The following COL19A1 variants were observed in gnomAD, a reference collection of about 807,000 sequenced individuals.
The protein encoded by COL19A1 is collagen alpha-1(XIX) chain.
A neutral mutation model predicts 190.2 loss-of-function variants in COL19A1; 159 were observed. That is an observed-to-expected ratio of 0.84 (90% CI 0.73 to 0.95). The LOEUF is 0.95. Ranked by LOEUF, COL19A1 falls within the 40% of genes least tolerant of loss-of-function variation. The pLI is 0.00. For synonymous variants in COL19A1, 509 were observed against 458.9 expected (o/e 1.11, Z -1.39); for missense variants, 1,418 against 1,431.9 (o/e 0.99, Z 0.16).
intron 19 of COL19A1, 44 bp downstream of exon 19, chr6:70,137,791 A>T (rs180920498): frequency 1.3e-6 from 2 of 1,593,596 alleles, no homozygotes; most frequent in Non-Finnish European, 1.7e-6. Context: ...TATCTAAAAA[A>T]CGGGATTAAA....
chr6:70,089,416 C>T (rs1562161436), intron 15 of COL19A1, among the ~76,000 whole-genome samples: 1 of 152,102 alleles, frequency 6.6e-6, no homozygotes, highest in Admixed American at 6.6e-5. Context: ...CAAACTATGG[C>T]ATTATTTCCC....
intron 11 of COL19A1, among the ~76,000 whole-genome samples, chr6:70,003,058 G>A (rs953615964): frequency 5.9e-5 from 9 of 152,060 alleles, no homozygotes; most frequent in East Asian, 1.9e-4. Flanking sequence ...TATTTTAGCC[G>A]TGTCCCATAG....
chr6:70,199,709 G>A lies in COL19A1; in HGVS notation c.3196G>A (p.Gly1066Arg), dbSNP rs1156867234. 1 of 1,611,126 alleles carries A rather than the reference G, an allele frequency of 6.2e-7. No homozygotes were observed. The change falls in exon 49 of 51, where the codon GGG becomes AGG. Residue 1066 changes from glycine (G) to arginine (R), a missense_variant. Gly to Arg is a moderately radical substitution (Grantham distance 125). Coordinates refer to ENST00000620364, the MANE Select transcript of COL19A1 (RefSeq NM_001858.6). ...PGPPGKDGLP[G>R]PPGDPGPQGY... ...GCCACCAGGGAAGGATGGGTTGCCT[G>A]GGCCACCAGGAGACCCTGGACCCCA...
At chr6:70,075,210 G>A (rs1781812826) in intron 15 of COL19A1, among the ~76,000 whole-genome samples, 1 of 152,110 alleles carries the variant, frequency 6.6e-6, no homozygotes, top group African/African-American at 2.4e-5. Context: ...CAGGGAAATT[G>A]GGTACCCTAT....
chr6:70,152,807 C>T (rs912721721), intron 31 of COL19A1, among the ~76,000 whole-genome samples: 11 of 152,138 alleles, frequency 7.2e-5, no homozygotes, highest in Middle Eastern at 3.4e-3. Context: ...GCAGGATTGC[C>T]GGAGTTATAT....
chr6:69,881,947 C>A (rs923714562), intron 2 of COL19A1, among the ~76,000 whole-genome samples: 1 of 152,188 alleles, frequency 6.6e-6, no homozygotes, highest in Non-Finnish European at 1.5e-5. Flanking sequence ...TGGTTCACAG[C>A]GCAAGGTTCC....
chr6:69,972,660 T>A (rs1294335054), intron 11 of COL19A1, among the ~76,000 whole-genome samples: 1 of 123,426 alleles, frequency 8.1e-6, no homozygotes, highest in Non-Finnish European at 1.7e-5. Flanking sequence ...CCCTTAGAAT[T>A]GTGTTTAAAA....
At chr6:69,968,994 G>A (rs1288776307) in intron 11 of COL19A1, among the ~76,000 whole-genome samples, 1 of 152,138 alleles carries the variant, frequency 6.6e-6, no homozygotes, top group Non-Finnish European at 1.5e-5. Context: ...TTCCAGTCCA[G>A]CTCTGTAATG....
intron 15 of COL19A1, among the ~76,000 whole-genome samples, chr6:70,101,676 G>A (rs1179528880): frequency 2.0e-5 from 3 of 151,966 alleles, no homozygotes; most frequent in African/African-American, 7.3e-5. Flanking sequence ...GCAGATTCGT[G>A]GCTCCGACCC....
intron 16 of COL19A1, among the ~76,000 whole-genome samples, chr6:70,118,278 G>A (rs1784693931): frequency 6.6e-6 from 1 of 152,168 alleles, no homozygotes; most frequent in Admixed American, 6.5e-5. Context: ...AAACCCCAAG[G>A]TTGTGTTCCA....
At chr6:70,098,311 T>C in intron 15 of COL19A1, 1 of 421,640 alleles carries the variant, frequency 2.4e-6, no homozygotes, top group Non-Finnish European at 4.7e-6. Flanking sequence ...AGGAGTAAAA[T>C]TCACCCTACC....
chr6:70,055,890 C>G (rs143242182), intron 14 of COL19A1, among the ~76,000 whole-genome samples: 1 of 148,828 alleles, frequency 6.7e-6, no homozygotes, highest in Non-Finnish European at 1.5e-5. Flanking sequence ...TCGTTTGTTT[C>G]GGTTTGTTTT....
intron 2 of COL19A1, chr6:69,891,113 A>G (rs1769315748): frequency 4.3e-6 from 1 of 230,896 alleles, no homozygotes; most frequent in Non-Finnish European, 9.4e-6. Context: ...ACATATCAAC[A>G]TGAAACAAGG....
intron 18 of COL19A1, among the ~76,000 whole-genome samples, chr6:70,134,918 G>A (rs554724237): frequency 1.3e-5 from 2 of 152,194 alleles, no homozygotes; most frequent in African/African-American, 4.8e-5. Flanking sequence ...CAGATTGAGG[G>A]CTCAATCCCA....
intron 2 of COL19A1, among the ~76,000 whole-genome samples, chr6:69,893,024 G>C (rs1232540295): frequency 6.6e-6 from 1 of 152,162 alleles, no homozygotes; most frequent in Admixed American, 6.5e-5. Flanking sequence ...TTGTTCATAG[G>C]AGTATACCTT....
At chr6:70,032,889 A>G (rs1451662699) in intron 12 of COL19A1, among the ~76,000 whole-genome samples, 1 of 152,170 alleles carries the variant, frequency 6.6e-6, no homozygotes, top group South Asian at 2.1e-4. Context: ...AGTGTTTACA[A>G]TATTCTGTTT....
At chr6:70,188,050 T>G (rs1277093996) in intron 46 of COL19A1, 25 bp from the exon 47 acceptor site, 16 of 1,611,918 alleles carry the variant, frequency 9.9e-6, no homozygotes, top group Non-Finnish European at 1.2e-5. Context: ...GAGATTATTC[T>G]TTGTTATTAT....
chr6:70,022,530 A>G (rs1005913249), intron 11 of COL19A1, among the ~76,000 whole-genome samples: 1 of 152,168 alleles, frequency 6.6e-6, no homozygotes, highest in Non-Finnish European at 1.5e-5. Context: ...CATTTTCAAA[A>G]ATTGTATTAT....
At position 70,190,340 on chromosome 6, in the gene COL19A1, TAAAG is replaced by T; in HGVS notation, c.3056_3059del (p.Lys1019SerfsTer8). 5.6e-6 allele frequency: 9 copies of T among 1,606,618 alleles called. No individual in the cohort carries two copies. Among genetic ancestry groups the T allele is most frequent in the Non-Finnish European group, 7.7e-6 (9 of 1,175,216 alleles). On this transcript the variant is annotated frameshift_variant, in exon 48 of 51. Coordinates refer to ENST00000620364, the MANE Select transcript of COL19A1 (RefSeq NM_001858.6). LOFTEE classifies it high-confidence loss of function. Reference sequence around the variant, plus strand: ...GCTGATGCAGTTTCATTTGAAGAAATAAAGAAGTATATTAATCAAGAGGTCCTAA... The same window carrying T: ...GCTGATGCAGTTTCATTTGAAGAAATAAGTATATTAATCAAGAGGTCCTAA...
Sources: allele counts gnomAD v4.1 joint callset (sites outside exome capture counted in the v4.1 genomes callset), GRCh38; gene constraint gnomAD v4.1.1; transcripts MANE v1.5; gene names NCBI Gene and HGNC (gene_info 2026-07-23, HGNC 2026-07-21).